SMAD6: variants seen among roughly 807,000 people sequenced by gnomAD.
The protein encoded by SMAD6 is MAD homolog 6.
Under a neutral mutation model 39.4 loss-of-function variants are expected in SMAD6, and 103 were observed. That is an observed-to-expected ratio of 2.62 (90% CI 2.23 to 3.08). The LOEUF is 3.08. Ranked by LOEUF, SMAD6 falls within the 30% of genes most tolerant of loss-of-function variation. The pLI, the probability that SMAD6 is intolerant of heterozygous loss-of-function variation, is 0.00. For missense variants in SMAD6, 1,104 were observed against 742.9 expected (o/e 1.49, Z -5.65); for synonymous variants, 445 against 353.3 (o/e 1.26, Z -2.91).
chr15:66,731,552 C>G (rs1893630097), intron 3 of SMAD6, among the ~76,000 whole-genome samples: 1 of 152,188 alleles, frequency 6.6e-6, no homozygotes, highest in Non-Finnish European at 1.5e-5. Context: ...TTTTTCCAGA[C>G]CATCTTCCAA....
chr15:66,742,604 G>A (rs1280269225), intron 3 of SMAD6, among the ~76,000 whole-genome samples: 6 of 152,208 alleles, frequency 3.9e-5, no homozygotes, highest in African/African-American at 9.6e-5. Flanking sequence ...CCTCTGGACC[G>A]TAATTGGTCG....
intron 2 of SMAD6, among the ~76,000 whole-genome samples, chr15:66,715,608 A>C (rs938567956): frequency 1.3e-5 from 2 of 152,184 alleles, no homozygotes; most frequent in Non-Finnish European, 2.9e-5. Flanking sequence ...GCCCAGGAAA[A>C]ATTTTCCAAG....
Position 66,781,304 on chromosome 15 carries a change from C to T in SMAD6, c.1260C>T (p.Pro420=), listed in dbSNP as rs371930288. The change falls in exon 4 of 4, where the codon CCC becomes CCT. Residue 420 remains proline (P), a synonymous_variant. Coordinates refer to ENST00000288840, the MANE Select transcript of SMAD6 (RefSeq NM_005585.5). ...TCAACTCCCCGACGCTGGACGCGCC[C>T]GGCGGCCGCGCCCTGGTCGTGCGCA... The part of the protein sequence containing the change: ...IFVNSPTLDA[P]GGRALVVRKV... 2.5e-4 allele frequency: 399 copies of T among 1,602,394 alleles called. 1 individual carries two copies. Among genetic ancestry groups the T allele is most frequent in the Non-Finnish European group, 3.1e-4 (362 of 1,176,152 alleles).
intron 3 of SMAD6, among the ~76,000 whole-genome samples, chr15:66,759,792 G>A (rs1894167010): frequency 6.6e-6 from 1 of 152,172 alleles, no homozygotes; most frequent in African/African-American, 2.4e-5. Context: ...ACATTCACTT[G>A]TCGGCACCAG....
At position 66,781,541 on chromosome 15, in the gene SMAD6, G is replaced by A; in HGVS notation, c.*6G>A. ...TCCTCAACAACCCCAGATAGTGGCG[G>A]CCCCGGCGGGAGGGGCGGGTGGGAG... On this transcript the variant is annotated 3_prime_UTR_variant, in exon 4 of 4. Transcript: ENST00000288840. 1.3e-6 allele frequency: 2 copies of A among 1,489,408 alleles called. No individual in the cohort carries two copies. The highest frequency in any genetic ancestry group is 1.8e-6 in the Non-Finnish European group (2 of 1,123,046). 92.3% of individuals were successfully genotyped at this position (1,489,408 alleles called of 1,614,324 possible).
Position 66,704,018 on chromosome 15 carries a change from G to A in SMAD6, c.760G>A (p.Ala254Thr). 1 of 1,503,012 alleles carries A rather than the reference G, an allele frequency of 6.7e-7. No individual in the cohort carries two copies. Among genetic ancestry groups the A allele is most frequent in the Non-Finnish European group, 8.8e-7 (1 of 1,134,896 alleles). The allele number at this position is 1,503,012 out of a possible 1,614,324, so 93.1% of individuals were successfully genotyped here. ...LCGCHSFAAA[A>T]DGPTVCCNPY... is the part of the protein sequence containing the mutation. ...CGGCTGCCACAGCTTCGCCGCCGCCGCCGACGGCCCTACCGTGTGCTGCAA... is the reference window on the plus strand; with the variant it reads ...CGGCTGCCACAGCTTCGCCGCCGCCACCGACGGCCCTACCGTGTGCTGCAA... Residue 254 changes from alanine (A) to threonine (T), a missense_variant, in exon 1 of 4, where the codon GCC becomes ACC. Physicochemically the swap from Ala to Thr is moderately conservative, Grantham distance 58 (BLOSUM62 0). Coordinates refer to ENST00000288840, the MANE Select transcript of SMAD6 (RefSeq NM_005585.5).
At chr15:66,760,213 C>G (rs1454111400) in intron 3 of SMAD6, among the ~76,000 whole-genome samples, 1 of 151,724 alleles carries the variant, frequency 6.6e-6, no homozygotes, top group Admixed American at 6.6e-5. Context: ...TTATAATGCT[C>G]TTTTGCGATC....
intron 3 of SMAD6, among the ~76,000 whole-genome samples, chr15:66,771,129 C>CA (rs1395250365): frequency 3.3e-5 from 5 of 152,252 alleles, no homozygotes; most frequent in Admixed American, 6.5e-5. Flanking sequence ...CGGTGAGCTG[C>CA]AGGTGGAGGG....
Position 66,703,869 on chromosome 15 carries a change from G to A in SMAD6, c.611G>A (p.Gly204Asp), listed in dbSNP as rs768542939. ...AVESRGGVPGGCVLVPRADLR... is the reference protein window; with the variant it reads ...AVESRGGVPGDCVLVPRADLR... Reference sequence around the variant, plus strand: ...GAGTCCCGCGGCGGCGTGCCGGGCGGCTGCGTGCTGGTGCCGCGCGCCGAC... The same window carrying A: ...GAGTCCCGCGGCGGCGTGCCGGGCGACTGCGTGCTGGTGCCGCGCGCCGAC... The change falls in exon 1 of 4, where the codon GGC becomes GAC. Residue 204 changes from glycine (G) to aspartate (D), a missense_variant. By Grantham distance (94) the Gly-to-Asp change is moderately conservative. Transcript: ENST00000288840. 6.7e-6 allele frequency: 9 copies of A among 1,337,372 alleles called. No individual in the cohort carries two copies. The East Asian group carries it at 2.7e-4, about 40-fold the overall frequency. The allele number at this position is 1,337,372 out of a possible 1,614,324, so 82.8% of individuals were successfully genotyped here.
chr15:66,770,244 G>A (rs1894357630), intron 3 of SMAD6, among the ~76,000 whole-genome samples: 1 of 152,186 alleles, frequency 6.6e-6, no homozygotes, highest in Non-Finnish European at 1.5e-5. Context: ...TGTCTCTGTG[G>A]TCTCAGATTA....
At chr15:66,709,453 C>G (rs1893185275) in intron 1 of SMAD6, among the ~76,000 whole-genome samples, 1 of 152,186 alleles carries the variant, frequency 6.6e-6, no homozygotes, top group African/African-American at 2.4e-5. Context: ...TGCCTTCCAC[C>G]TTTTGAGTCC....
chr15:66,717,643 A>G (rs1176217299), intron 3 of SMAD6: 4 of 359,662 alleles, frequency 1.1e-5, no homozygotes, highest in African/African-American at 2.1e-5. Flanking sequence ...TTGCCTATCC[A>G]TTCCCTTCTC....
chr15:66,725,699 A>G (rs976108661), intron 3 of SMAD6, among the ~76,000 whole-genome samples: 3 of 152,116 alleles, frequency 2.0e-5, no homozygotes, highest in Admixed American at 6.5e-5. Context: ...GCAGGGCACC[A>G]TTTGGCTCCT....
intron 3 of SMAD6, among the ~76,000 whole-genome samples, chr15:66,767,816 C>T (rs1894313688): frequency 1.3e-5 from 2 of 152,032 alleles, no homozygotes. Context: ...AGTATATAGG[C>T]CTCTGCATTC....
intron 3 of SMAD6, among the ~76,000 whole-genome samples, chr15:66,750,178 C>T (rs1893978713): frequency 6.6e-6 from 1 of 152,252 alleles, no homozygotes. Context: ...GATAGCAGAG[C>T]AATGTGACCT....
intron 3 of SMAD6, among the ~76,000 whole-genome samples, chr15:66,768,703 C>T (rs1007622703): frequency 6.6e-6 from 1 of 152,224 alleles, no homozygotes; most frequent in Non-Finnish European, 1.5e-5. Flanking sequence ...CAGTAGTACT[C>T]TCTGTTAAAT....
At chr15:66,704,194 G>A (rs1307260192) in intron 1 of SMAD6, 119 bp downstream of exon 1, 1 of 773,236 alleles carries the variant, frequency 1.3e-6, no homozygotes, top group African/African-American at 1.8e-5. Flanking sequence ...GGTGCCCTTG[G>A]AGCGTGGGAG....
rs746993602 is a variant in SMAD6 at position 66,703,972 on chromosome 15, C to T, written c.714C>T (p.Ala238=). The T allele has an allele frequency of 1.4e-5, 21 of 1,458,672 alleles. No individual in the cohort carries two copies. Among genetic ancestry groups the T allele is most frequent in the Non-Finnish European group, 1.9e-5 (21 of 1,109,082 alleles). 90.4% of individuals were successfully genotyped at this position (1,458,672 alleles called of 1,614,324 possible). The change falls in exon 1 of 4, where the codon GCC becomes GCT. Residue 238 remains alanine (A), a synonymous_variant. Coordinates refer to ENST00000288840, the MANE Select transcript of SMAD6 (RefSeq NM_005585.5). Reference sequence around the variant, plus strand: ...TTCGCTGGCCCGACCTGCAGCACGCCGTGGAGCTGAAGCCCCTGTGCGGCT... The same window carrying T: ...TTCGCTGGCCCGACCTGCAGCACGCTGTGGAGCTGAAGCCCCTGTGCGGCT... ...RLFRWPDLQH[A]VELKPLCGCH... is the part of the protein sequence containing the mutation.
chr15:66,703,943 C>T lies in SMAD6; in HGVS notation c.685C>T (p.Leu229Phe). The T allele has an allele frequency of 4.3e-6, 6 of 1,387,998 alleles. No individual in the cohort carries two copies. The highest frequency in any genetic ancestry group is 1.6e-5 in the South Asian group (1 of 62,632). 86.0% of individuals were successfully genotyped at this position (1,387,998 alleles called of 1,614,324 possible). A position where few individuals can be genotyped will look rare whatever the true frequency, so the allele number is the denominator to read the frequency against. Residue 229 changes from leucine to phenylalanine, a missense_variant, in exon 1 of 4, where the codon CTC (leucine) becomes TTC (phenylalanine). Coordinates refer to ENST00000288840, the MANE Select transcript of SMAD6 (RefSeq NM_005585.5). ...PAPPQLLLGR[L>F]FRWPDLQHAV... Reference sequence around the variant, plus strand: ...GCCGCCGCAGCTGCTGCTCGGCCGCCTCTTTCGCTGGCCCGACCTGCAGCA... The same window carrying T: ...GCCGCCGCAGCTGCTGCTCGGCCGCTTCTTTCGCTGGCCCGACCTGCAGCA...
Sources: gnomAD v4.1 joint callset for allele counts (sites outside exome capture counted in the v4.1 genomes callset) on GRCh38, gnomAD v4.1.1 for gene constraint, MANE v1.5 for transcripts, NCBI Gene and HGNC (gene_info 2026-07-23, HGNC 2026-07-21) for gene names.